Variants in CHM observed in about 807,000 individuals in gnomAD.
CHM encodes rab proteins geranylgeranyltransferase component A 1.
In CHM, 10 loss-of-function variants were observed where a neutral mutation model predicts 49.0. The ratio of observed to expected loss-of-function variants is 0.20; its 90% CI spans 0.13 to 0.35. CHM has a LOEUF of 0.35. CHM is among the 10% of genes least tolerant of loss of function. CHM has a pLI of 1.00. For synonymous variants in CHM, 184 were observed against 167.5 expected, an observed-to-expected ratio of 1.10 and a Z score of -0.76; for missense variants, 455 against 478.4, an observed-to-expected ratio of 0.95 and a Z score of 0.46.
chrX:85,900,845 T>C, intron 10 of CHM, 136 bp from the exon 11 acceptor site: 1 of 563,487 alleles, frequency 1.8e-6, no homozygotes, highest in Non-Finnish European at 3.0e-6. Context: ...CCAAGTCAAG[T>C]TCGGCTTTAA....
intron 12 of CHM, among the ~76,000 whole-genome samples, chrX:85,889,247 C>A (rs375843360): frequency 1.8e-4 from 20 of 111,949 alleles, no homozygotes; most frequent in South Asian, 7.5e-4. Flanking sequence ...ATGTACCCAG[C>A]AAAAGAAATT....
chrX:85,932,670 C>T (rs1378306918), intron 8 of CHM, among the ~76,000 whole-genome samples: 1 of 111,986 alleles, frequency 8.9e-6, no homozygotes, highest in Non-Finnish European at 1.9e-5. Flanking sequence ...CTTTCATGTC[C>T]TAATTGGACA....
At position 85,971,800 on chromosome X, in the gene CHM, T is replaced by G. The variant is rs4570305; in HGVS notation, c.314+6967A>C. 0.17 allele frequency among the ~76,000 whole-genome samples: 19,194 copies of G among 110,238 alleles called. 1,571 individuals carry two copies. The highest frequency in any genetic ancestry group is 0.25 in the Non-Finnish European group (13,284 of 52,623). On this transcript the variant is annotated intron_variant, in intron 4 of 14. Transcript: ENST00000357749. ...GCGTTTACAATCCCTGAGCTAGATA[T>G]AAAGGTTCTCCACATCCCCATCAGA...
At chrX:85,904,573 G>A (rs1181729566) in intron 9 of CHM, among the ~76,000 whole-genome samples, 1 of 111,731 alleles carries the variant, frequency 9.0e-6, no homozygotes, top group Non-Finnish European at 1.9e-5. Flanking sequence ...AATCACATAT[G>A]GAATAATTTA....
intron 12 of CHM, among the ~76,000 whole-genome samples, chrX:85,879,441 A>G (rs956751841): frequency 1.5e-4 from 17 of 112,292 alleles, no homozygotes; most frequent in African/African-American, 5.5e-4. Flanking sequence ...GTTAACAACA[A>G]ATTATCTACT....
At chrX:85,871,832 G>A (rs1924095881) in intron 14 of CHM, among the ~76,000 whole-genome samples, 1 of 111,192 alleles carries the variant, frequency 9.0e-6, no homozygotes, top group Non-Finnish European at 1.9e-5. Context: ...GTTCATTCAG[G>A]GATAAAAATG....
chrX:85,881,824 ATATT>A (rs1298309540), intron 12 of CHM, among the ~76,000 whole-genome samples: 3 of 111,854 alleles, frequency 2.7e-5, no homozygotes, highest in African/African-American at 6.5e-5. Flanking sequence ...ATTCTGTTTA[ATATT>A]TATTTACCAA....
chrX:86,031,065 C>G (rs755878503), intron 1 of CHM, among the ~76,000 whole-genome samples: 1 of 110,877 alleles, frequency 9.0e-6, no homozygotes, highest in African/African-American at 3.3e-5. Context: ...AAACATAAAG[C>G]CAGTGACAGA....
In CHM at chrX:85,958,830, GCCCAGT is replaced by G. The variant is rs367785780; in HGVS notation, c.819+25_819+30del. The G allele has an allele frequency of 8.9e-4, 1,072 of 1,208,098 alleles. 12 individuals carry two copies. The African/African-American group carries it at 0.017, about 19-fold the overall frequency. Reference sequence around the variant, plus strand: ...ACAAACCATAATAACTTAAGCTGATGCCCAGTTACAATTCTTGATCAGCACAGTACC... The same window carrying G: ...ACAAACCATAATAACTTAAGCTGATGTACAATTCTTGATCAGCACAGTACC... On this transcript the variant is annotated intron_variant, in intron 6 of 14. Transcript: ENST00000357749.
At chrX:85,989,897 G>A (rs1932098129) in intron 2 of CHM, among the ~76,000 whole-genome samples, 2 of 111,944 alleles carry the variant, frequency 1.8e-5, no homozygotes, top group Non-Finnish European at 3.8e-5. Flanking sequence ...GTTGGTGGAA[G>A]TGTAAATTTA....
At chrX:85,955,749 T>TA (rs1335330325) in intron 8 of CHM, among the ~76,000 whole-genome samples, 1 of 112,121 alleles carries the variant, frequency 8.9e-6, no homozygotes, top group Non-Finnish European at 1.9e-5. Flanking sequence ...TTCTTGAACA[T>TA]ACACAACTTG....
chrX:86,043,920 T>C (rs1310543270), intron 1 of CHM, among the ~76,000 whole-genome samples: 3 of 111,035 alleles, frequency 2.7e-5, no homozygotes, highest in Admixed American at 9.6e-5. Context: ...ATCAAAAGAA[T>C]ATATGTGTTT....
chrX:85,940,214 A>G (rs973447735), intron 8 of CHM, among the ~76,000 whole-genome samples: 1 of 111,317 alleles, frequency 9.0e-6, no homozygotes, highest in African/African-American at 3.3e-5. Context: ...AAGAACAGCA[A>G]GGGGGAAATC....
intron 1 of CHM, among the ~76,000 whole-genome samples, chrX:86,037,027 T>C (rs1484439032): frequency 2.7e-5 from 3 of 111,333 alleles, no homozygotes; most frequent in East Asian, 2.8e-4. Context: ...TCAAAATCTC[T>C]TGAAGTTTTG....
At chrX:85,928,656 T>C (rs749161277) in intron 8 of CHM, among the ~76,000 whole-genome samples, 1 of 112,600 alleles carries the variant, frequency 8.9e-6, no homozygotes, top group Non-Finnish European at 1.9e-5. Flanking sequence ...AAGTGCAATA[T>C]GTAAGGCAAT....
chrX:86,033,782 A>G (rs1448591910), intron 1 of CHM, among the ~76,000 whole-genome samples: 3 of 111,796 alleles, frequency 2.7e-5, no homozygotes, highest in East Asian at 5.6e-4. Context: ...AAAGATAAAA[A>G]TATCATTTTT....
intron 8 of CHM, among the ~76,000 whole-genome samples, chrX:85,948,017 C>T (rs1183133636): frequency 9.0e-6 from 1 of 111,517 alleles, no homozygotes; most frequent in Non-Finnish European, 1.9e-5. Flanking sequence ...AGAAGGTTGA[C>T]AGTTAAATGC....
At chrX:85,982,725 G>A (rs1931697537) in intron 2 of CHM, among the ~76,000 whole-genome samples, 1 of 111,425 alleles carries the variant, frequency 9.0e-6, no homozygotes, top group Admixed American at 9.5e-5. Flanking sequence ...TGGTTGGGAG[G>A]GATTCTTGGT....
intron 8 of CHM, among the ~76,000 whole-genome samples, chrX:85,920,467 C>A (rs1473684559): frequency 9.0e-6 from 1 of 111,565 alleles, no homozygotes; most frequent in South Asian, 3.7e-4. Flanking sequence ...GTATTCAAAA[C>A]CCAAATAGGA....
Sources: gnomAD v4.1 joint callset for allele counts (sites outside exome capture counted in the v4.1 genomes callset) on GRCh38, gnomAD v4.1.1 for gene constraint, MANE v1.5 for transcripts, NCBI Gene and HGNC (gene_info 2026-07-23, HGNC 2026-07-21) for gene names.